Variants in CFAP44 observed in about 807,000 individuals in gnomAD.
CFAP44 encodes cilia and flagella associated protein 44, also known as cilia- and flagella-associated protein 44.
CFAP44 carries 134 observed loss-of-function variants against 216.2 expected under a neutral mutation model. The ratio of observed to expected loss-of-function variants is 0.62; its 90% CI spans 0.54 to 0.72. The LOEUF (loss-of-function observed/expected upper bound fraction) is 0.72. Ranked by LOEUF, CFAP44 falls within the 30% of genes least tolerant of loss-of-function variation. The probability of loss-of-function intolerance (pLI) is 0.00; values close to 1 mark genes in which losing one functional copy is unlikely to be tolerated. For synonymous variants in CFAP44, 700 were observed against 727.6 expected (o/e 0.96, Z 0.61); for missense variants, 2,035 against 2,182.1 (o/e 0.93, Z 1.34).
rs537328022 is a variant in CFAP44, at chr3:113,416,180, G to A, written c.673+345C>T. Among the ~76,000 whole-genome samples, 6 of 112,488 alleles carry A rather than the reference G, an allele frequency of 5.3e-5. No homozygotes were observed. The East Asian group carries it at 2.2e-3, about 41-fold the overall frequency. The allele number at this position is 112,488 out of a possible 152,430, so 73.8% of individuals were successfully genotyped here. A position where few individuals can be genotyped will look rare whatever the true frequency, so the allele number is the denominator to read the frequency against. On this transcript the variant is annotated intron_variant, in intron 6 of 34. Transcript: ENST00000393845. ...AGAGACTAAGATTGCAACCCTTGGT[G>A]TTTTTTTGTTTTTTTTTCCTTTCCA...
chr3:113,389,486 T>C (rs1326876590), intron 15 of CFAP44, among the ~76,000 whole-genome samples: 1 of 150,944 alleles, frequency 6.6e-6, no homozygotes, highest in Non-Finnish European at 1.5e-5. Context: ...CAAACCAAAC[T>C]CAAAATTAGT....
intron 28 of CFAP44, among the ~76,000 whole-genome samples, chr3:113,326,220 T>C (rs1401361628): frequency 6.6e-6 from 1 of 152,220 alleles, no homozygotes; most frequent in Non-Finnish European, 1.5e-5. Context: ...TCATACCAGA[T>C]ACACATAAAC....
At chr3:113,400,727 A>G (rs1576590443) in intron 11 of CFAP44, 83 bp from the exon 12 acceptor site, 6 of 1,196,238 alleles carry the variant, frequency 5.0e-6, no homozygotes, top group East Asian at 5.1e-5. Flanking sequence ...TGCAAAGATA[A>G]AAATATAACA....
intron 4 of CFAP44, chr3:113,425,907 G>C (rs78384208): frequency 0.037 from 17,991 of 485,408 alleles, 494 homozygotes; most frequent in East Asian, 0.11. Flanking sequence ...TTGTGAGCCA[G>C]ATGGTCTCTG....
In CFAP44 at chr3:113,330,509, T is replaced by A; in HGVS notation, c.3775A>T (p.Ile1259Leu). ...KHIPIPKIPQ[I>L]HPEEVPEKRF... ...TTTTCTGGAACTTCTTCTGGGTGTATCTGAGGAATTTTGGGAATGGGTATG... is the reference window on the plus strand; with the variant it reads ...TTTTCTGGAACTTCTTCTGGGTGTAACTGAGGAATTTTGGGAATGGGTATG... The change falls in exon 26 of 35, where the codon ATA becomes TTA. Residue 1259 changes from isoleucine to leucine, a missense_variant. By Grantham distance (5) the Ile-to-Leu change is conservative. Coordinates refer to ENST00000393845, the MANE Select transcript of CFAP44 (RefSeq NM_001164496.2). 1.3e-6 allele frequency: 2 copies of A among 1,537,230 alleles called. No individual in the cohort carries two copies. The highest frequency in any genetic ancestry group is 8.7e-7 in the Non-Finnish European group (1 of 1,146,894).
At chr3:113,409,029 A>AG in intron 7 of CFAP44, 77 bp downstream of exon 7, 1 of 710,110 alleles carries the variant, frequency 1.4e-6, no homozygotes, top group Non-Finnish European at 2.1e-6. Flanking sequence ...AAAAAAAAAA[A>AG]GTCTCCAGCT....
At chr3:113,424,994 G>A (rs1934921658) in intron 4 of CFAP44, among the ~76,000 whole-genome samples, 1 of 152,026 alleles carries the variant, frequency 6.6e-6, no homozygotes, top group Non-Finnish European at 1.5e-5. Context: ...AGAGCATTGT[G>A]TACTTTAGGA....
In CFAP44 at chr3:113,289,670, A is replaced by G. The variant is rs906879299; in HGVS notation, c.*1887T>C. The G allele has an allele frequency of 2.6e-5, 4 of 152,114 alleles. No individual in the cohort carries two copies. The highest frequency in any genetic ancestry group is 4.4e-5 in the Non-Finnish European group (3 of 68,028). 9.4% of individuals were successfully genotyped at this position (152,114 alleles called of 1,614,324 possible). On this transcript the variant is annotated 3_prime_UTR_variant, in exon 35 of 35. Coordinates refer to ENST00000393845, the MANE Select transcript of CFAP44 (RefSeq NM_001164496.2). Reference sequence around the variant, plus strand: ...TTCACACCCTGTTCAGTCCCCTCCCACATCACACAGGGTCAGCCTGTGACC... The same window carrying G: ...TTCACACCCTGTTCAGTCCCCTCCCGCATCACACAGGGTCAGCCTGTGACC...
At chr3:113,340,018 C>T (rs1187999564) in intron 24 of CFAP44, among the ~76,000 whole-genome samples, 1 of 152,120 alleles carries the variant, frequency 6.6e-6, no homozygotes, top group African/African-American at 2.4e-5. Context: ...GCGTGGTGGG[C>T]GAGAAGCACA....
In CFAP44 at chr3:113,396,544, G is replaced by A. The variant is rs578059192; in HGVS notation, c.1753C>T (p.Arg585Cys). 10 of 1,614,044 alleles carry A rather than the reference G, an allele frequency of 6.2e-6. No individual in the cohort carries two copies. The highest frequency in any genetic ancestry group is 3.3e-5 in the South Asian group (3 of 91,080). Residue 585 changes from arginine (R) to cysteine (C), a missense_variant, in exon 14 of 35, where the codon CGT becomes TGT. Arg to Cys is a radical substitution (Grantham distance 180). Transcript: ENST00000393845. ...CCTGTGGCTAGAATTTCCCCATCACGTTCATAAGCTAAAGCAGTGACACAA... is the reference window on the plus strand; with the variant it reads ...CCTGTGGCTAGAATTTCCCCATCACATTCATAAGCTAAAGCAGTGACACAA... ...TACVTALAYE[R>C]DGEILATGSK...
intron 15 of CFAP44, among the ~76,000 whole-genome samples, chr3:113,390,957 T>C (rs575692260): frequency 3.3e-5 from 5 of 152,210 alleles, no homozygotes; most frequent in Non-Finnish European, 7.4e-5. Flanking sequence ...CCTATCAAAA[T>C]AGCAATCACA....
chr3:113,304,532 G>C (rs1249295518), intron 31 of CFAP44, among the ~76,000 whole-genome samples: 1 of 152,150 alleles, frequency 6.6e-6, no homozygotes, highest in East Asian at 1.9e-4. Flanking sequence ...AATACAATAA[G>C]CCTTTTCTCT....
intron 23 of CFAP44, among the ~76,000 whole-genome samples, chr3:113,343,035 C>G (rs987972990): frequency 2.7e-5 from 4 of 146,388 alleles, no homozygotes; most frequent in Non-Finnish European, 6.0e-5. Context: ...TATCAACTAA[C>G]AAGTTTCTTT....
chr3:113,383,336 T>C (rs765528448), intron 15 of CFAP44, among the ~76,000 whole-genome samples: 4 of 152,188 alleles, frequency 2.6e-5, no homozygotes, highest in Admixed American at 1.3e-4. Flanking sequence ...TCCTGCTGCA[T>C]CGATGGTGGT....
chr3:113,327,842 G>A (rs376936719), intron 26 of CFAP44, 23 bp from the exon 27 acceptor site: 120 of 1,532,804 alleles, frequency 7.8e-5, no homozygotes, highest in East Asian at 3.7e-4. Flanking sequence ...AAATATTTGC[G>A]GATACGTTAG....
chr3:113,436,350 T>G (rs1223679714), intron 1 of CFAP44, among the ~76,000 whole-genome samples: 2 of 152,190 alleles, frequency 1.3e-5, no homozygotes, highest in African/African-American at 2.4e-5. Flanking sequence ...CTAAATATTA[T>G]TTTCTCCCTT....
chr3:113,431,811 T>A (rs571508229), intron 2 of CFAP44, among the ~76,000 whole-genome samples: 3 of 152,320 alleles, frequency 2.0e-5, no homozygotes, highest in African/African-American at 7.2e-5. Flanking sequence ...ACAGTCAAAA[T>A]TAAATTTCTC....
At chr3:113,437,649 T>C (rs567477618) in intron 1 of CFAP44, among the ~76,000 whole-genome samples, 1 of 152,306 alleles carries the variant, frequency 6.6e-6, no homozygotes, top group Admixed American at 6.5e-5. Flanking sequence ...ATAAATACTA[T>C]TCCTACCTTT....
At chr3:113,310,723 C>A (rs1453481567) in intron 28 of CFAP44, among the ~76,000 whole-genome samples, 1 of 152,126 alleles carries the variant, frequency 6.6e-6, no homozygotes, top group Non-Finnish European at 1.5e-5. Context: ...AGGGAGGAAT[C>A]CCTCGAATAG....
Sources: gnomAD v4.1 joint callset for allele counts (sites outside exome capture counted in the v4.1 genomes callset) on GRCh38, gnomAD v4.1.1 for gene constraint, MANE v1.5 for transcripts, NCBI Gene and HGNC (gene_info 2026-07-23, HGNC 2026-07-21) for gene names.